The following RALGAPA1 variants were observed in gnomAD, a reference collection of about 807,000 sequenced individuals.
The protein encoded by RALGAPA1 is Ral GTPase activating protein catalytic subunit alpha 1.
RALGAPA1 carries 52 observed loss-of-function variants against 269.6 expected under a neutral mutation model. The ratio of observed to expected loss-of-function variants is 0.19; its 90% confidence interval spans 0.15 to 0.24. RALGAPA1 has a LOEUF of 0.24. Among genes scored for constraint, RALGAPA1 ranks in the 10% least tolerant of loss-of-function variants. RALGAPA1 has a pLI of 1.00. For synonymous variants in RALGAPA1, 817 were observed against 1,008.3 expected (o/e 0.81, Z 3.60); for missense variants, 1,917 against 3,013.9 (o/e 0.64, Z 8.52).
At position 35,642,622 on chromosome 14, in the gene RALGAPA1, T is replaced by C. The variant is rs1181333086; in HGVS notation, c.5677-7024A>G. On this transcript the variant is annotated intron_variant, in intron 31 of 41. Coordinates refer to ENST00000680220, the MANE Select transcript of RALGAPA1 (RefSeq NM_001346249.2). Reference sequence around the variant, plus strand: ...CATCTCACCTCAGTTAAAACGGGTTTTATCCCACAATGAGATACCATCTCA... The same window carrying C: ...CATCTCACCTCAGTTAAAACGGGTTCTATCCCACAATGAGATACCATCTCA... Among the ~76,000 whole-genome samples, 3 of 152,100 alleles carry C rather than the reference T, an allele frequency of 2.0e-5. No individual in the cohort carries two copies. The East Asian group carries it at 5.8e-4, about 29-fold the overall frequency.
intron 4 of RALGAPA1, 106 bp from the exon 5 acceptor site, chr14:35,762,859 C>A: frequency 2.9e-6 from 2 of 689,272 alleles, no homozygotes; most frequent in East Asian, 2.7e-5. Flanking sequence ...TGGCAACCTC[C>A]AAATTATTCT....
chr14:35,801,767 C>G (rs567823507), intron 1 of RALGAPA1, among the ~76,000 whole-genome samples: 66 of 152,162 alleles, frequency 4.3e-4, no homozygotes, highest in Non-Finnish European at 8.4e-4. Context: ...TAAAGGGCAT[C>G]TACAAAAAAC....
At chr14:35,665,052 C>A (rs958193484) in intron 26 of RALGAPA1, among the ~76,000 whole-genome samples, 2 of 152,062 alleles carry the variant, frequency 1.3e-5, no homozygotes, top group African/African-American at 4.8e-5. Context: ...CATCAATTCA[C>A]CCTAATAAGT....
At chr14:35,567,928 T>C (rs893556818) in intron 39 of RALGAPA1, among the ~76,000 whole-genome samples, 1 of 152,138 alleles carries the variant, frequency 6.6e-6, no homozygotes, top group Non-Finnish European at 1.5e-5. Context: ...ATTGCACCTT[T>C]AATGAAATGA....
chr14:35,781,006 A>G (rs1421647669), intron 1 of RALGAPA1, among the ~76,000 whole-genome samples: 1 of 152,196 alleles, frequency 6.6e-6, no homozygotes, highest in African/African-American at 2.4e-5. Context: ...AGCACAAAGA[A>G]GGAAATAAAG....
At chr14:35,542,828 A>C (rs1056768448) in intron 41 of RALGAPA1, among the ~76,000 whole-genome samples, 2 of 152,218 alleles carry the variant, frequency 1.3e-5, no homozygotes, top group Non-Finnish European at 1.5e-5. Context: ...TGATGGGATA[A>C]ATTGATTCAT....
Position 35,627,533 on chromosome 14 carries a change from C to A in RALGAPA1, c.6414G>T (p.Leu2138Phe). Residue 2138 changes from leucine to phenylalanine, a missense_variant, in exon 34 of 42, where the codon TTG (leucine) becomes TTT (phenylalanine). By Grantham distance (22) the Leu-to-Phe change is conservative. Around this residue, in one of 11 missense-constraint regions of RALGAPA1, gnomAD observed 346 missense variants for 566.1 expected, o/e 0.61. Coordinates refer to ENST00000680220, the MANE Select transcript of RALGAPA1 (RefSeq NM_001346249.2). ...LSEPTSFMLS[L>F]SHQEKPEEPP... ...GCTCTTCTGGCTTCTCTTGGTGAGA[C>A]AATGAAAGCATGAAAGATGTAGGTT... is the stretch of plus-strand genomic sequence containing the variant. 1.3e-6 allele frequency: 2 copies of A among 1,591,656 alleles called. No homozygotes were observed. Among genetic ancestry groups the A allele is most frequent in the South Asian group, 1.2e-5 (1 of 86,046 alleles).
intron 1 of RALGAPA1, among the ~76,000 whole-genome samples, chr14:35,802,182 C>A (rs1338656674): frequency 6.6e-6 from 1 of 152,126 alleles, no homozygotes; most frequent in Non-Finnish European, 1.5e-5. Flanking sequence ...GTGGTGTGTG[C>A]CTGTAATCCC....
chr14:35,655,892 C>T lies in RALGAPA1; in HGVS notation c.5411G>A (p.Gly1804Asp). Reference protein sequence around the residue: ...PARCVALCSLGIWICEELVHE... With the variant: ...PARCVALCSLDIWICEELVHE... Reference sequence around the variant, plus strand: ...GACTAGTTCTTCACAAATCCAAATACCTAAACTACAAAGTGCTACACATCT... The same window carrying T: ...GACTAGTTCTTCACAAATCCAAATATCTAAACTACAAAGTGCTACACATCT... Residue 1804 changes from glycine (G) to aspartate (D), a missense_variant, in exon 29 of 42, where the codon GGT (glycine) becomes GAT (aspartate). By Grantham distance (94) the Gly-to-Asp change is moderately conservative. Transcript: ENST00000680220. The T allele has an allele frequency of 6.2e-7, 1 of 1,613,372 alleles. No individual in the cohort carries two copies. Among genetic ancestry groups the T allele is most frequent in the Non-Finnish European group, 8.5e-7 (1 of 1,179,630 alleles).
At chr14:35,750,254 A>T (rs913051786) in intron 9 of RALGAPA1, among the ~76,000 whole-genome samples, 1 of 152,200 alleles carries the variant, frequency 6.6e-6, no homozygotes, top group Non-Finnish European at 1.5e-5. Flanking sequence ...AGAAATAAGA[A>T]GCTGAGACTG....
chr14:35,561,251 A>AAT (rs1555356921), intron 39 of RALGAPA1, among the ~76,000 whole-genome samples: 2,235 of 130,298 alleles, frequency 0.017, 292 homozygotes, highest in African/African-American at 0.054. Context: ...AAAAAAAAAA[A>AAT]ATACAGTAAC....
At chr14:35,547,477 C>G (rs1486270685) in intron 41 of RALGAPA1, among the ~76,000 whole-genome samples, 1 of 152,042 alleles carries the variant, frequency 6.6e-6, no homozygotes, top group Non-Finnish European at 1.5e-5. Flanking sequence ...AAAGTTAGTC[C>G]AAGTGTGGTT....
At chr14:35,664,594 T>C (rs779549633) in intron 27 of RALGAPA1, 48 bp downstream of exon 27, 3 of 1,455,460 alleles carry the variant, frequency 2.1e-6, no homozygotes, top group Admixed American at 4.1e-5. Flanking sequence ...ATATACTTTA[T>C]GATTATAAAA....
chr14:35,781,732 A>G (rs1341733072), intron 1 of RALGAPA1, among the ~76,000 whole-genome samples: 1 of 152,138 alleles, frequency 6.6e-6, no homozygotes, highest in African/African-American at 2.4e-5. Flanking sequence ...CAAAACTCAC[A>G]TGATAGTTTC....
At chr14:35,674,103 TA>T in intron 24 of RALGAPA1, 76 bp downstream of exon 24, 1 of 1,140,632 alleles carries the variant, frequency 8.8e-7, no homozygotes, top group Non-Finnish European at 1.3e-6. Context: ...GTCTATATAA[TA>T]GCCAAAATCT....
chr14:35,752,546 C>T (rs150673354), intron 7 of RALGAPA1, among the ~76,000 whole-genome samples: 15 of 152,156 alleles, frequency 9.9e-5, no homozygotes, highest in African/African-American at 3.6e-4. Context: ...CAAGTGCAGA[C>T]GATCAGAGCC....
At chr14:35,710,622 G>A (rs1215977688) in intron 16 of RALGAPA1, among the ~76,000 whole-genome samples, 3 of 152,090 alleles carry the variant, frequency 2.0e-5, no homozygotes, top group African/African-American at 7.2e-5. Flanking sequence ...TCTAAAGTCT[G>A]CTTTGTCATG....
At chr14:35,614,874 A>G (rs2139375121) in intron 35 of RALGAPA1, among the ~76,000 whole-genome samples, 1 of 152,254 alleles carries the variant, frequency 6.6e-6, no homozygotes, top group African/African-American at 2.4e-5. Flanking sequence ...CTGGATAGAA[A>G]TCTTCATCTA....
At chr14:35,727,308 G>A (rs1422386520) in intron 13 of RALGAPA1, among the ~76,000 whole-genome samples, 1 of 60,414 alleles carries the variant, frequency 1.7e-5, no homozygotes, top group Non-Finnish European at 3.1e-5. Flanking sequence ...AGAAAATTAT[G>A]GCATATATAT....
Sources: allele counts gnomAD v4.1 joint callset (sites outside exome capture counted in the v4.1 genomes callset), GRCh38; gene constraint gnomAD v4.1.1; regional missense constraint gnomAD v4.1.1; transcripts MANE v1.5; gene names NCBI Gene and HGNC (gene_info 2026-07-23, HGNC 2026-07-21).